Variants in CEP128 observed in about 807,000 individuals in gnomAD.
The protein encoded by CEP128 is centrosomal protein 128kDa.
CEP128 carries 132 observed loss-of-function variants against 156.7 expected under a neutral mutation model. The observed-to-expected ratio is 0.84, with a 90% CI of 0.73 to 0.97. The LOEUF is 0.97. Among genes scored for constraint, CEP128 ranks in the 50% least tolerant of loss-of-function variants. The probability of loss-of-function intolerance (pLI) is 0.00; values close to 1 mark genes in which losing one functional copy is unlikely to be tolerated. For missense variants in CEP128, 1,252 were observed against 1,281.9 expected (o/e 0.98, Z 0.36); for synonymous variants, 469 against 448.9 (o/e 1.04, Z -0.57).
chr14:80,839,504 AAC>A (rs367547508), intron 10 of CEP128, among the ~76,000 whole-genome samples: 15 of 150,368 alleles, frequency 1.0e-4, no homozygotes, highest in Non-Finnish European at 1.5e-4. Context: ...ACTTCACACA[AAC>A]ACACACACAC....
At chr14:80,654,630 C>G (rs1428511784) in intron 19 of CEP128, among the ~76,000 whole-genome samples, 1 of 152,140 alleles carries the variant, frequency 6.6e-6, no homozygotes, top group Non-Finnish European at 1.5e-5. Flanking sequence ...ACCTAACTGC[C>G]AAGTGCAATG....
intron 19 of CEP128, among the ~76,000 whole-genome samples, chr14:80,678,047 AAAATATATATATATATG>A (rs80286236): frequency 1.5e-3 from 106 of 68,528 alleles, no homozygotes; most frequent in Non-Finnish European, 2.0e-3. Context: ...CTATAAAAAA[AAAATATATATATATATG>A]TATATATATA....
chr14:80,527,298 T>A (rs1176737506), intron 22 of CEP128: 6 of 445,974 alleles, frequency 1.3e-5, no homozygotes, highest in Non-Finnish European at 2.2e-5. Flanking sequence ...GATATGGTGG[T>A]GCATGGCTGT....
Position 80,934,449 on chromosome 14 carries a change from G to A in CEP128, c.-16+4936C>T, listed in dbSNP as rs539310330. On this transcript the variant is annotated intron_variant, in intron 2 of 24. Coordinates refer to ENST00000555265, the MANE Select transcript of CEP128 (RefSeq NM_152446.5). ...AAATCAGAACATCAGAGGTACAAACGCGAGAACCACCATTTACTGAGCACC... is the reference window on the plus strand; with the variant it reads ...AAATCAGAACATCAGAGGTACAAACACGAGAACCACCATTTACTGAGCACC... 2.6e-5 allele frequency among the ~76,000 whole-genome samples: 4 copies of A among 152,230 alleles called. No homozygotes were observed. In the South Asian group the frequency reaches 6.2e-4, roughly 24 times the overall value.
intron 18 of CEP128, 88 bp from the exon 19 acceptor site, chr14:80,743,355 T>A (rs759587905): frequency 1.8e-6 from 2 of 1,108,534 alleles, no homozygotes; most frequent in Admixed American, 5.2e-5. Flanking sequence ...AGTAACATAA[T>A]TTGAACAAAT....
intron 19 of CEP128, among the ~76,000 whole-genome samples, chr14:80,622,308 C>A (rs1412299754): frequency 6.6e-6 from 1 of 152,038 alleles, no homozygotes; most frequent in African/African-American, 2.4e-5. Flanking sequence ...TCCTTTAATT[C>A]AAGATGGATT....
chr14:80,668,426 G>T (rs1895712357), intron 19 of CEP128, among the ~76,000 whole-genome samples: 1 of 152,148 alleles, frequency 6.6e-6, no homozygotes, highest in African/African-American at 2.4e-5. Flanking sequence ...AATAAAATAT[G>T]TGTCACAAAT....
At chr14:80,483,254 T>C (rs1887092460) in intron 14 of CEP128, among the ~76,000 whole-genome samples, 2 of 152,220 alleles carry the variant, frequency 1.3e-5, no homozygotes, top group Admixed American at 6.5e-5. Flanking sequence ...AAGCATGTGA[T>C]GATGACAGAT....
intron 19 of CEP128, among the ~76,000 whole-genome samples, chr14:80,611,681 G>T (rs1447722854): frequency 6.6e-6 from 1 of 152,130 alleles, no homozygotes; most frequent in Admixed American, 6.5e-5. Flanking sequence ...AAAAATTATA[G>T]CTTCACTCTA....
chr14:80,567,573 AATC>A (rs1356464156), intron 20 of CEP128, among the ~76,000 whole-genome samples: 2 of 152,226 alleles, frequency 1.3e-5, no homozygotes, highest in Non-Finnish European at 2.9e-5. Flanking sequence ...CCTTTAAAAT[AATC>A]ATTTCAAGAT....
intron 12 of CEP128, among the ~76,000 whole-genome samples, chr14:80,835,476 A>C (rs1886025627): frequency 6.6e-6 from 1 of 152,170 alleles, no homozygotes. Flanking sequence ...TACATCCAAC[A>C]CTTACAAAAA....
At chr14:80,494,557 T>G (rs113030998), downstream of CEP128, among the ~76,000 whole-genome samples, 1 of 152,166 alleles carries the variant, frequency 6.6e-6, no homozygotes, top group African/African-American at 2.4e-5. Context: ...TTAAACACAA[T>G]GTGTTATCTA....
At chr14:80,679,864 G>A (rs1236146668) in intron 19 of CEP128, among the ~76,000 whole-genome samples, 5 of 152,120 alleles carry the variant, frequency 3.3e-5, no homozygotes, top group Admixed American at 1.3e-4. Flanking sequence ...AATATGTGAT[G>A]TCACCCCCGG....
At chr14:80,544,128 G>A (rs1889881972) in intron 21 of CEP128, among the ~76,000 whole-genome samples, 1 of 152,102 alleles carries the variant, frequency 6.6e-6, no homozygotes, top group South Asian at 2.1e-4. Context: ...TGCTAAAGCT[G>A]ACCAGATTCA....
intron 19 of CEP128, among the ~76,000 whole-genome samples, chr14:80,595,721 A>C (rs998620173): frequency 1.3e-5 from 2 of 152,220 alleles, no homozygotes; most frequent in Non-Finnish European, 2.9e-5. Context: ...TAATAAATAC[A>C]TACCTGAGAC....
intron 24 of CEP128, among the ~76,000 whole-genome samples, chr14:80,503,206 G>C (rs1183740575): frequency 6.6e-6 from 1 of 152,020 alleles, no homozygotes; most frequent in Non-Finnish European, 1.5e-5. Flanking sequence ...TTTTCAGTTA[G>C]ATTTTACAAT....
In CEP128 at chr14:80,882,034, A is replaced by G. The variant is rs557044239; in HGVS notation, c.645+13684T>C. On this transcript the variant is annotated intron_variant, in intron 8 of 24. Transcript: ENST00000555265. Reference sequence around the variant, plus strand: ...GCTAGAATAATAAGACAAGATAAAGAAAGGGCATCCAAACAAGCACAGGCA... The same window carrying G: ...GCTAGAATAATAAGACAAGATAAAGGAAGGGCATCCAAACAAGCACAGGCA... Among the ~76,000 whole-genome samples, 27 of 152,278 alleles carry G rather than the reference A, an allele frequency of 1.8e-4. No homozygotes were observed. The South Asian group carries it at 5.4e-3, about 30-fold the overall frequency.
At chr14:80,949,246 A>G (rs572236475) in intron 2 of CEP128, among the ~76,000 whole-genome samples, 2 of 152,320 alleles carry the variant, frequency 1.3e-5, no homozygotes, top group East Asian at 3.9e-4. Flanking sequence ...TTTCCAAGTC[A>G]TGGTGCAAGG....
chr14:80,909,500 A>T (rs1884085478), intron 4 of CEP128, among the ~76,000 whole-genome samples: 1 of 152,086 alleles, frequency 6.6e-6, no homozygotes, highest in Admixed American at 6.6e-5. Flanking sequence ...CCAAAATCTA[A>T]TCTATCAACC....
Sources: allele counts gnomAD v4.1 joint callset (sites outside exome capture counted in the v4.1 genomes callset), GRCh38; gene constraint gnomAD v4.1.1; transcripts MANE v1.5; gene names NCBI Gene and HGNC (gene_info 2026-07-23, HGNC 2026-07-21).